EPHX2: variants seen among roughly 807,000 people sequenced by gnomAD.
EPHX2 encodes the protein bifunctional epoxide hydrolase 2.
In EPHX2, 74 loss-of-function variants were observed where a neutral mutation model predicts 78.7. The observed-to-expected ratio is 0.94, with a 90% CI of 0.78 to 1.14. The LOEUF is 1.14. Ranked by LOEUF, EPHX2 falls within the 50% of genes most tolerant of loss-of-function variation. EPHX2 has a pLI of 0.00. For missense variants in EPHX2, 715 were observed against 702.5 expected (o/e 1.02, Z -0.20); for synonymous variants, 251 against 255.2 (o/e 0.98, Z 0.16).
intron 7 of EPHX2, 72 bp from the exon 8 acceptor site, chr8:27,516,248 G>C: frequency 7.1e-7 from 1 of 1,402,004 alleles, no homozygotes; most frequent in Non-Finnish European, 1.0e-6. Context: ...GAAGGGGATG[G>C]AGGGAAGCAA....
rs199744682 is a variant in EPHX2, at chr8:27,525,498, A to G, written c.1170+25A>G. 86 of 1,571,746 alleles carry G rather than the reference A, an allele frequency of 5.5e-5. No individual in the cohort carries two copies. The East Asian group carries it at 1.9e-3, about 34-fold the overall frequency. Reference sequence around the variant, plus strand: ...AGTAAGTATGGCACCAAGGGCAACAATGGGAGCATTAGTGTTTGCCTTTCC... The same window carrying G: ...AGTAAGTATGGCACCAAGGGCAACAGTGGGAGCATTAGTGTTTGCCTTTCC... On this transcript the variant is annotated intron_variant, in intron 12 of 18. Transcript: ENST00000521400.
At chr8:27,538,760 G>GCCCATAGCAGTCAGAGAC in intron 14 of EPHX2, 68 bp downstream of exon 14, 1 of 1,550,326 alleles carries the variant, frequency 6.5e-7, no homozygotes, top group African/African-American at 1.4e-5. Context: ...TTCTGTCTCT[G>GCCCATAGCAGTCAGAGAC]ACTGCTATGG....
At chr8:27,529,989 T>C (rs1814979346) in intron 12 of EPHX2, among the ~76,000 whole-genome samples, 1 of 151,750 alleles carries the variant, frequency 6.6e-6, no homozygotes, top group Admixed American at 6.6e-5. Flanking sequence ...AAAGAAAAAT[T>C]GTAGGCAGAA....
chr8:27,525,895 ACAAAGATGCCTTT>A (rs1314727532), intron 12 of EPHX2, among the ~76,000 whole-genome samples: 1 of 152,198 alleles, frequency 6.6e-6, no homozygotes, highest in Non-Finnish European at 1.5e-5. Flanking sequence ...TACACGTGCC[ACAAAGATGCCTTT>A]CAAAGATGCC....
At chr8:27,520,831 G>A in intron 9 of EPHX2, 52 bp from the exon 10 acceptor site, 1 of 1,613,270 alleles carries the variant, frequency 6.2e-7, no homozygotes, top group South Asian at 1.1e-5. Context: ...CATAAAGGCT[G>A]AGGCAGGCGG....
intron 5 of EPHX2, among the ~76,000 whole-genome samples, chr8:27,509,452 A>G (rs115317379): frequency 0.02 from 3,017 of 151,996 alleles, 95 homozygotes; most frequent in African/African-American, 0.07. Flanking sequence ...ATTTATTATT[A>G]TTTCTTTTTT....
chr8:27,499,958 A>AACTTAT (rs1438998709), intron 1 of EPHX2, among the ~76,000 whole-genome samples: 4 of 152,168 alleles, frequency 2.6e-5, no homozygotes, highest in Non-Finnish European at 5.9e-5. Flanking sequence ...ATTTAACTCA[A>AACTTAT]TTACCTCTTA....
rs1039934982 is a variant in EPHX2 at position 27,543,882 on chromosome 8, G to C, written c.1530+53G>C. The C allele has an allele frequency of 6.3e-6, 10 of 1,584,964 alleles. No individual in the cohort carries two copies. In the African/African-American group the frequency reaches 9.4e-5, roughly 15 times the overall value. On this transcript the variant is annotated intron_variant, in intron 17 of 18. Coordinates refer to ENST00000521400, the MANE Select transcript of EPHX2 (RefSeq NM_001979.6). Reference sequence around the variant, plus strand: ...ATCAGTGCACCCCGGGAGAGGGCACGGGTGCTCAGAGGGAAGACGGCAGCA... The same window carrying C: ...ATCAGTGCACCCCGGGAGAGGGCACCGGTGCTCAGAGGGAAGACGGCAGCA...
intron 12 of EPHX2, among the ~76,000 whole-genome samples, chr8:27,532,235 A>AC (rs1175551167): frequency 6.6e-6 from 1 of 151,698 alleles, no homozygotes; most frequent in African/African-American, 2.4e-5. Flanking sequence ...ACATCAAGAT[A>AC]CCCCCTGGAG....
chr8:27,501,324 T>TTTCTTCTCCTTCTTC (rs1813762647), intron 2 of EPHX2, among the ~76,000 whole-genome samples: 1 of 102,914 alleles, frequency 9.7e-6, no homozygotes, highest in African/African-American at 3.7e-5. Flanking sequence ...TGCTATATAT[T>TTTCTTCTCCTTCTTC]TTCTTCTTCT....
At chr8:27,544,110 A>G (rs1402337542) in intron 17 of EPHX2, 76 bp from the exon 18 acceptor site, 5 of 1,546,246 alleles carry the variant, frequency 3.2e-6, no homozygotes, top group Non-Finnish European at 2.7e-6. Flanking sequence ...GAAGGCGTCC[A>G]TTGCCCATTG....
intron 10 of EPHX2, among the ~76,000 whole-genome samples, 161 bp downstream of exon 10, chr8:27,521,070 A>G (rs930841203): frequency 6.6e-6 from 1 of 152,222 alleles, no homozygotes; most frequent in East Asian, 1.9e-4. Flanking sequence ...CACAAAAACA[A>G]TGACAAAGAG....
chr8:27,505,488 C>G (rs999523103), intron 4 of EPHX2, among the ~76,000 whole-genome samples: 2 of 152,160 alleles, frequency 1.3e-5, no homozygotes, highest in Non-Finnish European at 2.9e-5. Flanking sequence ...AGGTTCATCC[C>G]CACAAAGGGT....
chr8:27,529,898 A>AG (rs1814974147), intron 12 of EPHX2, among the ~76,000 whole-genome samples: 2 of 151,948 alleles, frequency 1.3e-5, no homozygotes, highest in South Asian at 2.1e-4. Context: ...GCAAAAAAAA[A>AG]AAAAAGAAAA....
chr8:27,496,143 G>A (rs767961829), intron 1 of EPHX2, among the ~76,000 whole-genome samples: 2 of 152,184 alleles, frequency 1.3e-5, no homozygotes, highest in African/African-American at 2.4e-5. Context: ...CTAAGATTAG[G>A]CCTAGATATT....
intron 1 of EPHX2, among the ~76,000 whole-genome samples, chr8:27,493,891 G>A (rs1003656880): frequency 1.3e-5 from 2 of 152,170 alleles, no homozygotes; most frequent in African/African-American, 2.4e-5. Flanking sequence ...GGCTCCCTGT[G>A]CTCTATTTTC....
At chr8:27,522,604 A>G in intron 11 of EPHX2, 96 bp downstream of exon 11, 1 of 1,245,202 alleles carries the variant, frequency 8.0e-7, no homozygotes, top group Admixed American at 1.9e-5. Context: ...AAACTTCTCA[A>G]AAACAAGTAG....
In EPHX2 at chr8:27,532,723, C is replaced by T. The variant is rs146006772; in HGVS notation, c.1171-4061C>T. Reference sequence around the variant, plus strand: ...CTGTGTCTCTGTATGTCTCAATTTCCCTCTTTCTCTCATAAGGACACAGGT... The same window carrying T: ...CTGTGTCTCTGTATGTCTCAATTTCTCTCTTTCTCTCATAAGGACACAGGT... On this transcript the variant is annotated intron_variant, in intron 12 of 18. Transcript: ENST00000521400. Among the ~76,000 whole-genome samples the T allele has an allele frequency of 4.5e-3, 690 of 152,218 alleles. 3 individuals are homozygous for T. Among genetic ancestry groups the T allele is most frequent in the Non-Finnish European group, 8.5e-3 (579 of 68,010 alleles).
chr8:27,507,740 T>G (rs563713044), intron 5 of EPHX2, among the ~76,000 whole-genome samples: 1 of 152,144 alleles, frequency 6.6e-6, no homozygotes, highest in Non-Finnish European at 1.5e-5. Flanking sequence ...ACAACAGACA[T>G]GTATTTTCTC....
Sources: allele counts gnomAD v4.1 joint callset (sites outside exome capture counted in the v4.1 genomes callset), GRCh38; gene constraint gnomAD v4.1.1; transcripts MANE v1.5; gene names NCBI Gene and HGNC (gene_info 2026-07-23, HGNC 2026-07-21).